ELMOD1: variants seen among roughly 807,000 people sequenced by gnomAD.
ELMOD1 encodes the protein ELMO domain containing 1.
ELMOD1 carries 21 observed loss-of-function variants against 46.7 expected under a neutral mutation model. The observed-to-expected ratio is 0.45, with a 90% CI of 0.32 to 0.65. The LOEUF (loss-of-function observed/expected upper bound fraction) is 0.65, where lower values mean the gene tolerates loss of function less well. Ranked by LOEUF, ELMOD1 falls within the 30% of genes least tolerant of loss-of-function variation. The pLI is 0.04. For missense variants in ELMOD1, 348 were observed against 407.8 expected (o/e 0.85, Z 1.26); for synonymous variants, 122 against 138.2 (o/e 0.88, Z 0.82).
intron 9 of ELMOD1, among the ~76,000 whole-genome samples, chr11:107,651,509 T>C (rs987226434): frequency 1.3e-5 from 2 of 152,150 alleles, no homozygotes; most frequent in Non-Finnish European, 2.9e-5. Context: ...ACCTTACTAT[T>C]TTACTCATTC....
chr11:107,592,367 A>G lies in ELMOD1; in HGVS notation c.-86+958A>G, dbSNP rs193181575. 1.3e-4 allele frequency: 69 copies of G among 534,378 alleles called. 1 individual carries two copies. Among genetic ancestry groups the G allele is most frequent in the African/African-American group, 9.8e-4 (51 of 52,072 alleles). The allele number at this position is 534,378 out of a possible 1,614,324, so 33.1% of individuals were successfully genotyped here. A position where few individuals can be genotyped will look rare whatever the true frequency, so the allele number is the denominator to read the frequency against. On this transcript the variant is annotated intron_variant, in intron 1 of 11. Coordinates refer to ENST00000265840, the MANE Select transcript of ELMOD1 (RefSeq NM_018712.4). The stretch of plus-strand genomic sequence containing the variant: ...AGTGGGCCGTAGATTGGTACTATCA[A>G]TTGAGTCTGTCATTTGGAGAGACCA...
chr11:107,595,808 C>G (rs1259024448), intron 1 of ELMOD1, among the ~76,000 whole-genome samples: 1 of 151,976 alleles, frequency 6.6e-6, no homozygotes, highest in Admixed American at 6.6e-5. Flanking sequence ...TTGTGCCAGC[C>G]CTAATCTCAG....
chr11:107,644,066 A>C (rs144102169), intron 6 of ELMOD1, among the ~76,000 whole-genome samples: 4,047 of 152,228 alleles, frequency 0.027, 207 homozygotes, highest in African/African-American at 0.093. Context: ...TGAGGTCAGG[A>C]GTTTGACACC....
chr11:107,642,346 T>A (rs754379416), intron 6 of ELMOD1, among the ~76,000 whole-genome samples: 9 of 151,832 alleles, frequency 5.9e-5, no homozygotes, highest in South Asian at 2.1e-4. Context: ...TAACAGACAT[T>A]ATAAACAGAT....
intron 11 of ELMOD1, among the ~76,000 whole-genome samples, chr11:107,660,411 G>A (rs1034484602): frequency 2.6e-5 from 4 of 152,198 alleles, no homozygotes; most frequent in Admixed American, 2.6e-4. Flanking sequence ...TCAGTCTAAA[G>A]CTCCACTGAA....
At chr11:107,618,335 T>G in intron 2 of ELMOD1, 129 bp downstream of exon 2, 1 of 1,071,856 alleles carries the variant, frequency 9.3e-7, no homozygotes, top group Non-Finnish European at 1.4e-6. Flanking sequence ...GAAATAGCAC[T>G]GCATTTTTGC....
At chr11:107,645,982 G>A (rs1416698224) in intron 6 of ELMOD1, among the ~76,000 whole-genome samples, 2 of 152,152 alleles carry the variant, frequency 1.3e-5, no homozygotes, top group East Asian at 1.9e-4. Flanking sequence ...TTTCATTTAA[G>A]CTTTGTAATG....
chr11:107,656,097 A>C, intron 11 of ELMOD1, 31 bp downstream of exon 11: 1 of 1,549,634 alleles, frequency 6.5e-7, no homozygotes, highest in Non-Finnish European at 8.7e-7. Flanking sequence ...TTATCAATAT[A>C]GGTTTCTACG....
chr11:107,648,434 G>T (rs188133170), intron 7 of ELMOD1, among the ~76,000 whole-genome samples: 1 of 152,180 alleles, frequency 6.6e-6, no homozygotes, highest in Non-Finnish European at 1.5e-5. Context: ...ACATCACAGC[G>T]GGAGGCCTTC....
intron 4 of ELMOD1, 133 bp downstream of exon 4, chr11:107,630,861 T>C: frequency 1.1e-6 from 1 of 902,824 alleles, no homozygotes; most frequent in Non-Finnish European, 1.7e-6. Flanking sequence ...GAAATAATCA[T>C]TTGCCCATTA....
intron 10 of ELMOD1, among the ~76,000 whole-genome samples, chr11:107,654,693 T>C (rs866261103): frequency 2.0e-3 from 293 of 143,444 alleles, no homozygotes; most frequent in African/African-American, 7.0e-3. Context: ...GGTGTGAACC[T>C]GGGAGGCGGA....
chr11:107,645,232 C>T (rs1019151765), intron 6 of ELMOD1, among the ~76,000 whole-genome samples: 3 of 151,994 alleles, frequency 2.0e-5, no homozygotes, highest in East Asian at 3.9e-4. Flanking sequence ...CCACCGTGCC[C>T]GGCCCTCTAA....
At chr11:107,603,939 T>C (rs918585363) in intron 1 of ELMOD1, among the ~76,000 whole-genome samples, 1 of 151,196 alleles carries the variant, frequency 6.6e-6, no homozygotes, top group Non-Finnish European at 1.5e-5. Flanking sequence ...GCAATGTTGA[T>C]TGTGAGATAG....
chr11:107,657,241 T>C (rs1345962516), intron 11 of ELMOD1, among the ~76,000 whole-genome samples: 1 of 152,166 alleles, frequency 6.6e-6, no homozygotes, highest in African/African-American at 2.4e-5. Context: ...AAATAGAATA[T>C]TGGCTTCAAA....
chr11:107,592,238 G>A (rs1279364281), intron 1 of ELMOD1: 2 of 319,110 alleles, frequency 6.3e-6, no homozygotes, highest in Non-Finnish European at 1.2e-5. Flanking sequence ...TTCAGATCAA[G>A]TTTAATGAAT....
In ELMOD1 at chr11:107,657,459, C is replaced by T. The variant is rs148486750; in HGVS notation, c.832+1393C>T. Reference sequence around the variant, plus strand: ...AGAAGATCGCTTGAGCCCAAGGAGGCCAAGGCTGCTATGAGCTATGATTGT... The same window carrying T: ...AGAAGATCGCTTGAGCCCAAGGAGGTCAAGGCTGCTATGAGCTATGATTGT... On this transcript the variant is annotated intron_variant, in intron 11 of 11. Transcript: ENST00000265840. Among the ~76,000 whole-genome samples the T allele has an allele frequency of 5.8e-4, 88 of 152,218 alleles. 1 individual carries two copies. The East Asian group carries it at 0.014, about 24-fold the overall frequency.
chr11:107,639,746 T>C (rs1866288352), intron 6 of ELMOD1, among the ~76,000 whole-genome samples: 1 of 152,198 alleles, frequency 6.6e-6, no homozygotes, highest in African/African-American at 2.4e-5. Flanking sequence ...GTTTCTTGTC[T>C]TCTGCTAATC....
At position 107,655,928 on chromosome 11, in the gene ELMOD1, T is replaced by C; in HGVS notation, c.699-5T>C. On this transcript the variant is annotated splice_polypyrimidine_tract_variant and splice_region_variant and intron_variant, in intron 10 of 11. Transcript: ENST00000265840. Reference sequence around the variant, plus strand: ...ACAGTTGGTTTTGTGGTTTATACTTTATAGGTACTCATTTGCAATTGTGGG... The same window carrying C: ...ACAGTTGGTTTTGTGGTTTATACTTCATAGGTACTCATTTGCAATTGTGGG... 1.2e-6 allele frequency: 2 copies of C among 1,606,510 alleles called. No homozygotes were observed. The highest frequency in any genetic ancestry group is 1.7e-6 in the Non-Finnish European group (2 of 1,175,984).
intron 1 of ELMOD1, among the ~76,000 whole-genome samples, chr11:107,616,859 C>A (rs1004764142): frequency 5.3e-5 from 8 of 152,138 alleles, no homozygotes; most frequent in Non-Finnish European, 1.2e-4. Flanking sequence ...TAGAATCAAC[C>A]ATTTCCCAGG....
Sources: gnomAD v4.1 joint callset for allele counts (sites outside exome capture counted in the v4.1 genomes callset) on GRCh38, gnomAD v4.1.1 for gene constraint, MANE v1.5 for transcripts, NCBI Gene and HGNC (gene_info 2026-07-23, HGNC 2026-07-21) for gene names.